Variants in TBCA observed in about 807,000 individuals in gnomAD.
TBCA encodes tubulin folding cofactor A, also known as tubulin-specific chaperone A.
A neutral mutation model predicts 15.8 loss-of-function variants in TBCA; 6 were observed. The observed-to-expected ratio is 0.38, with a 90% CI of 0.21 to 0.75. The LOEUF (loss-of-function observed/expected upper bound fraction) is 0.75, where lower values mean the gene tolerates loss of function less well. Among genes scored for constraint, TBCA ranks in the 30% least tolerant of loss-of-function variants. The probability of loss-of-function intolerance (pLI) is 0.46; values close to 1 mark genes in which losing one functional copy is unlikely to be tolerated. For missense variants in TBCA, 90 were observed against 131.2 expected, an observed-to-expected ratio of 0.69 and a Z score of 1.53; for synonymous variants, 32 against 42.3, an observed-to-expected ratio of 0.76 and a Z score of 0.94.
rs747867754 is a variant in TBCA at position 77,734,185 on chromosome 5, T to C, written c.54-25838A>G. 5.9e-5 allele frequency among the ~76,000 whole-genome samples: 9 copies of C among 152,352 alleles called. No individual in the cohort carries two copies. In the South Asian group the frequency reaches 1.7e-3, roughly 28 times the overall value. ...TGATGGAGAGGTACAAGGAGATTAA[T>C]ATTGTTTTCATGTCTGCTAATACAA... On this transcript the variant is annotated intron_variant, in intron 1 of 3. Transcript: ENST00000380377.
chr5:77,765,782 G>C (rs1390105453), intron 1 of TBCA, among the ~76,000 whole-genome samples: 1 of 150,388 alleles, frequency 6.6e-6, no homozygotes, highest in Non-Finnish European at 1.5e-5. Context: ...TCTACTCTTT[G>C]AGAAGTTCTG....
intron 1 of TBCA, among the ~76,000 whole-genome samples, chr5:77,720,408 T>C (rs527502660): frequency 1.3e-5 from 2 of 152,168 alleles, no homozygotes; most frequent in East Asian, 1.9e-4. Flanking sequence ...AATGCAGTTA[T>C]TACACTTCTA....
intron 1 of TBCA, among the ~76,000 whole-genome samples, chr5:77,769,882 G>A (rs952567321): frequency 3.3e-5 from 5 of 152,114 alleles, no homozygotes; most frequent in Non-Finnish European, 7.4e-5. Context: ...GGAAAACTAT[G>A]GGCCAATGTC....
rs79749355 is a variant in TBCA at position 77,723,385 on chromosome 5, C to T, written c.54-15038G>A. Among the ~76,000 whole-genome samples, 584 of 151,924 alleles carry T rather than the reference C, an allele frequency of 3.8e-3. 4 individuals are homozygous for T. Among genetic ancestry groups the T allele is most frequent in the African/African-American group, 0.012 (493 of 41,504 alleles). ...ACTTGAGTTTATGAACAAATTAGTA[C>T]ATAAAATTTGCCATTTATAGATCTC... On this transcript the variant is annotated intron_variant, in intron 1 of 3. Coordinates refer to ENST00000380377, the MANE Select transcript of TBCA (RefSeq NM_004607.3).
At chr5:77,774,703 C>G (rs1747981275) in intron 1 of TBCA, among the ~76,000 whole-genome samples, 3 of 152,180 alleles carry the variant, frequency 2.0e-5, no homozygotes, top group Non-Finnish European at 2.9e-5. Flanking sequence ...AGCCTGACCA[C>G]CTCGGGCACA....
intron 1 of TBCA, among the ~76,000 whole-genome samples, chr5:77,734,943 C>T (rs1746863993): frequency 1.3e-5 from 2 of 152,164 alleles, no homozygotes; most frequent in Non-Finnish European, 2.9e-5. Context: ...TCACTGAAGG[C>T]TCAGATGATT....
intron 2 of TBCA, among the ~76,000 whole-genome samples, chr5:77,699,283 C>A (rs1745950939): frequency 6.6e-6 from 1 of 151,760 alleles, no homozygotes; most frequent in Non-Finnish European, 1.5e-5. Flanking sequence ...AAAGCCAAAA[C>A]AAACTAGAAA....
rs1748023265 is a variant in TBCA, at chr5:77,776,191, T to A, written c.53+14A>T. On this transcript the variant is annotated intron_variant, in intron 1 of 3. Coordinates refer to ENST00000380377, the MANE Select transcript of TBCA (RefSeq NM_004607.3). The stretch of plus-strand genomic sequence containing the variant: ...ACGAAGAGGAGGTGCAGGGCGCCGC[T>A]CCCGGCTCCTTACCGCTTCACCACG... 2 of 1,557,968 alleles carry A rather than the reference T, an allele frequency of 1.3e-6. No homozygotes were observed. Among genetic ancestry groups the A allele is most frequent in the Non-Finnish European group, 1.7e-6 (2 of 1,151,902 alleles).
chr5:77,719,994 A>C (rs1746491734), intron 1 of TBCA, among the ~76,000 whole-genome samples: 2 of 152,092 alleles, frequency 1.3e-5, no homozygotes, highest in African/African-American at 4.8e-5. Context: ...CTGTCTGTAC[A>C]TTTGACTTTT....
intron 1 of TBCA, among the ~76,000 whole-genome samples, chr5:77,763,260 T>A (rs533250585): frequency 2.2e-3 from 339 of 151,654 alleles, no homozygotes; most frequent in South Asian, 6.9e-3. Flanking sequence ...AATAAATAAA[T>A]AAAATAAATA....
At chr5:77,692,767 A>G (rs867761884) in intron 3 of TBCA, 5 of 1,006,146 alleles carry the variant, frequency 5.0e-6, no homozygotes, top group Non-Finnish European at 5.9e-6. Context: ...ACCAGCAAGT[A>G]TAAGTGTTAT....
At chr5:77,716,899 T>C (rs1362781600) in intron 1 of TBCA, among the ~76,000 whole-genome samples, 1 of 152,150 alleles carries the variant, frequency 6.6e-6, no homozygotes, top group East Asian at 1.9e-4. Flanking sequence ...TACCCCCTTT[T>C]CCAAGTGATA....
rs548275643 is a variant in TBCA, at chr5:77,775,275, T to C, written c.53+930A>G. On this transcript the variant is annotated intron_variant, in intron 1 of 3. Transcript: ENST00000380377. ...ACTATTCTTCTATCCCTCTCTCACA[T>C]GTAAATTGTGTATTAAGTGAAAAGC... Among the ~76,000 whole-genome samples the C allele has an allele frequency of 7.2e-5, 11 of 152,296 alleles. No individual in the cohort carries two copies. The South Asian group carries it at 2.1e-3, about 29-fold the overall frequency.
At chr5:77,741,826 C>G (rs912182493) in intron 1 of TBCA, among the ~76,000 whole-genome samples, 1 of 152,096 alleles carries the variant, frequency 6.6e-6, no homozygotes, top group Non-Finnish European at 1.5e-5. Flanking sequence ...GAGAACTACC[C>G]TGAGCTACTC....
intron 1 of TBCA, among the ~76,000 whole-genome samples, chr5:77,750,250 A>G (rs1747292768): frequency 1.3e-5 from 2 of 151,930 alleles, no homozygotes; most frequent in Non-Finnish European, 2.9e-5. Flanking sequence ...TCCTATTCAA[A>G]AAATTACTCA....
chr5:77,748,133 A>C (rs936291614), intron 1 of TBCA, among the ~76,000 whole-genome samples: 1 of 152,222 alleles, frequency 6.6e-6, no homozygotes, highest in African/African-American at 2.4e-5. Context: ...ATAAAACTGA[A>C]AAAAATGGTT....
chr5:77,761,578 T>C (rs984875161), intron 1 of TBCA, among the ~76,000 whole-genome samples: 1 of 151,986 alleles, frequency 6.6e-6, no homozygotes, highest in African/African-American at 2.4e-5. Context: ...TCTCCACTAT[T>C]ATCCTATGAC....
At chr5:77,717,408 C>A (rs1268062076) in intron 1 of TBCA, among the ~76,000 whole-genome samples, 1 of 152,030 alleles carries the variant, frequency 6.6e-6, no homozygotes, top group East Asian at 1.9e-4. Flanking sequence ...TACAAATAAA[C>A]ATGAAGAAAG....
intron 1 of TBCA, among the ~76,000 whole-genome samples, chr5:77,730,771 C>A (rs1339599486): frequency 6.6e-6 from 1 of 152,092 alleles, no homozygotes; most frequent in Non-Finnish European, 1.5e-5. Context: ...ATATGCCAAG[C>A]AGTGGGCAAC....
Sources: allele counts gnomAD v4.1 joint callset (sites outside exome capture counted in the v4.1 genomes callset), GRCh38; gene constraint gnomAD v4.1.1; transcripts MANE v1.5; gene names NCBI Gene and HGNC (gene_info 2026-07-23, HGNC 2026-07-21).